Variants in PTPRM observed in about 807,000 individuals in gnomAD.
The protein encoded by PTPRM is receptor-type tyrosine-protein phosphatase mu.
A neutral mutation model predicts 186.7 loss-of-function variants in PTPRM; 47 were observed. The ratio of observed to expected loss-of-function variants is 0.25; its 90% CI spans 0.20 to 0.32. The LOEUF (loss-of-function observed/expected upper bound fraction) is 0.32. Among genes scored for constraint, PTPRM ranks in the 10% least tolerant of loss-of-function variants. PTPRM has a pLI of 1.00. For missense variants in PTPRM, 1,494 were observed against 1,865.0 expected (o/e 0.80, Z 3.66); for synonymous variants, 668 against 674.9 (o/e 0.99, Z 0.16).
At chr18:8,234,144 C>T (rs2094318173) in intron 14 of PTPRM, among the ~76,000 whole-genome samples, 1 of 152,072 alleles carries the variant, frequency 6.6e-6, no homozygotes, top group African/African-American at 2.4e-5. Flanking sequence ...GTTATTAACC[C>T]TAAATAAGTT....
chr18:8,045,881 T>C (rs2087013143), intron 7 of PTPRM, among the ~76,000 whole-genome samples: 1 of 152,206 alleles, frequency 6.6e-6, no homozygotes, highest in African/African-American at 2.4e-5. Context: ...CTAAGAATGA[T>C]TGTAATAGCA....
At chr18:8,056,235 C>A (rs1000436380) in intron 7 of PTPRM, among the ~76,000 whole-genome samples, 4 of 152,058 alleles carry the variant, frequency 2.6e-5, no homozygotes, top group African/African-American at 9.7e-5. Flanking sequence ...TTAACATAAA[C>A]CTTTGTCAAA....
chr18:7,665,697 G>C (rs1320453349), intron 1 of PTPRM, among the ~76,000 whole-genome samples: 1 of 151,988 alleles, frequency 6.6e-6, no homozygotes, highest in African/African-American at 2.4e-5. Flanking sequence ...GAGGCCGAGG[G>C]GGGTGGATCA....
intron 1 of PTPRM, among the ~76,000 whole-genome samples, chr18:7,653,486 C>A (rs973113772): frequency 2.6e-5 from 4 of 151,660 alleles, no homozygotes; most frequent in Non-Finnish European, 5.9e-5. Flanking sequence ...CCCTCTTTCC[C>A]ATAGACCGCA....
chr18:8,133,532 A>G (rs377071201), intron 13 of PTPRM, among the ~76,000 whole-genome samples: 1 of 152,196 alleles, frequency 6.6e-6, no homozygotes, highest in Non-Finnish European at 1.5e-5. Context: ...GTTCAGCAGG[A>G]GAGAGAATAC....
intron 31 of PTPRM, 37 bp downstream of exon 31, chr18:8,387,272 G>A (rs369990333): frequency 5.7e-6 from 9 of 1,586,962 alleles, no homozygotes; most frequent in Admixed American, 1.7e-5. Flanking sequence ...TCAGAACAGC[G>A]AGGCCCCACA....
chr18:8,250,780 C>G (rs1441238395), intron 17 of PTPRM, among the ~76,000 whole-genome samples: 1 of 149,362 alleles, frequency 6.7e-6, no homozygotes, highest in Non-Finnish European at 1.5e-5. Flanking sequence ...TGGAGAAAGA[C>G]CCTGTCTCCA....
At chr18:7,656,570 A>C (rs2038854178) in intron 1 of PTPRM, among the ~76,000 whole-genome samples, 1 of 152,108 alleles carries the variant, frequency 6.6e-6, no homozygotes, top group African/African-American at 2.4e-5. Flanking sequence ...ATTTTCCTAT[A>C]ATTTAAAGAA....
At chr18:8,393,819 C>G (rs377510151) in intron 31 of PTPRM, among the ~76,000 whole-genome samples, 1 of 151,876 alleles carries the variant, frequency 6.6e-6, no homozygotes, top group African/African-American at 2.4e-5. Flanking sequence ...GAGGGAGTCT[C>G]GCTCTGTTGC....
chr18:7,654,232 T>C (rs370938007), intron 1 of PTPRM, among the ~76,000 whole-genome samples: 3 of 152,190 alleles, frequency 2.0e-5, no homozygotes, highest in East Asian at 1.9e-4. Context: ...TGTCAGATAA[T>C]ATAGCTTGCA....
intron 1 of PTPRM, among the ~76,000 whole-genome samples, chr18:7,742,242 A>C (rs2040898049): frequency 6.6e-6 from 1 of 152,240 alleles, no homozygotes; most frequent in Non-Finnish European, 1.5e-5. Flanking sequence ...ACAGTGACTA[A>C]AAAATATGTT....
At chr18:7,899,329 C>T (rs1189479001) in intron 3 of PTPRM, among the ~76,000 whole-genome samples, 1 of 152,176 alleles carries the variant, frequency 6.6e-6, no homozygotes, top group East Asian at 1.9e-4. Flanking sequence ...TTTTTTGCTG[C>T]TCTGTGCATG....
intron 1 of PTPRM, among the ~76,000 whole-genome samples, chr18:7,714,524 G>T (rs2040281652): frequency 6.6e-6 from 1 of 151,986 alleles, no homozygotes; most frequent in African/African-American, 2.4e-5. Context: ...AATCAGAGTA[G>T]AACTGAAGGA....
chr18:7,575,643 A>C (rs759384620), intron 1 of PTPRM, among the ~76,000 whole-genome samples: 1 of 152,214 alleles, frequency 6.6e-6, no homozygotes, highest in Admixed American at 6.5e-5. Flanking sequence ...TTGCCAACTA[A>C]GTAAAGGGTT....
intron 4 of PTPRM, among the ~76,000 whole-genome samples, chr18:7,917,232 G>T (rs2050612013): frequency 6.6e-6 from 1 of 152,310 alleles, no homozygotes; most frequent in African/African-American, 2.4e-5. Context: ...TTTAAAATGT[G>T]TGTTTTAAAA....
At chr18:8,092,865 C>A (rs1253219484) in intron 11 of PTPRM, among the ~76,000 whole-genome samples, 1 of 152,068 alleles carries the variant, frequency 6.6e-6, no homozygotes, top group Non-Finnish European at 1.5e-5. Context: ...GGGTATGTGC[C>A]TGCAGTCCCA....
intron 13 of PTPRM, among the ~76,000 whole-genome samples, chr18:8,118,811 A>AAAAAAAT (rs372020679): frequency 7.8e-6 from 1 of 128,394 alleles, no homozygotes; most frequent in Non-Finnish European, 1.7e-5. Context: ...AAAAAAAAAA[A>AAAAAAAT]ATATATATAT....
chr18:8,021,027 A>G (rs945777273), intron 7 of PTPRM, among the ~76,000 whole-genome samples: 1 of 152,144 alleles, frequency 6.6e-6, no homozygotes, highest in African/African-American at 2.4e-5. Context: ...AACTCTGATG[A>G]TAAATGCCTG....
At chr18:8,013,022 G>T (rs1458485647) in intron 7 of PTPRM, among the ~76,000 whole-genome samples, 2 of 152,006 alleles carry the variant, frequency 1.3e-5, no homozygotes, top group African/African-American at 4.8e-5. Context: ...GTCCTGCAGG[G>T]CTCCTGTCAA....
Sources: gnomAD v4.1 joint callset for allele counts (sites outside exome capture counted in the v4.1 genomes callset) on GRCh38, gnomAD v4.1.1 for gene constraint, MANE v1.5 for transcripts, NCBI Gene and HGNC (gene_info 2026-07-23, HGNC 2026-07-21) for gene names.